FBN1: variants seen among roughly 807,000 people sequenced by gnomAD.
FBN1 encodes fibrillin 1, also known as fibrillin-1.
In FBN1, 29 loss-of-function variants were observed where a neutral mutation model predicts 365.1. The ratio of observed to expected loss-of-function variants is 0.08; its 90% CI spans 0.06 to 0.11. FBN1 has a LOEUF of 0.11. Ranked by LOEUF, FBN1 falls within the 10% of genes least tolerant of loss-of-function variation. The pLI is 1.00. For synonymous variants in FBN1, 1,210 were observed against 1,270.5 expected (o/e 0.95, Z 1.01); for missense variants, 2,476 against 3,703.2 (o/e 0.67, Z 8.60).
chr15:48,501,108 C>A (rs748449998), intron 17 of FBN1, among the ~76,000 whole-genome samples: 1 of 152,092 alleles, frequency 6.6e-6, no homozygotes, highest in Non-Finnish European at 1.5e-5. Context: ...TTAGTGGAAC[C>A]GGGCCTTACA....
intron 61 of FBN1, 44 bp from the exon 62 acceptor site, chr15:48,421,730 A>C (rs778763595): frequency 2.4e-5 from 38 of 1,602,350 alleles, no homozygotes; most frequent in Middle Eastern, 3.3e-4. Flanking sequence ...AATTCCCCAA[A>C]GCTCTCTTTG....
intron 36 of FBN1, among the ~76,000 whole-genome samples, chr15:48,469,079 AATATATATATATAT>A (rs1555397268): frequency 1.8e-3 from 181 of 98,788 alleles, no homozygotes; most frequent in African/African-American, 7.6e-3. Flanking sequence ...AAAAAAAAAA[AATATATATATATAT>A]AAAATATAAT....
intron 6 of FBN1, among the ~76,000 whole-genome samples, chr15:48,568,055 A>G (rs941874282): frequency 1.4e-5 from 2 of 144,940 alleles, no homozygotes; most frequent in African/African-American, 5.3e-5. Context: ...GAAAGAAGAA[A>G]GAAAGAAAGA....
intron 32 of FBN1, among the ~76,000 whole-genome samples, chr15:48,475,110 A>G (rs1397726393): frequency 6.6e-6 from 1 of 151,948 alleles, no homozygotes; most frequent in Non-Finnish European, 1.5e-5. Context: ...TATATTCTAT[A>G]TATAAAATAT....
intron 22 of FBN1, 46 bp from the exon 23 acceptor site, chr15:48,494,300 A>T: frequency 6.9e-7 from 1 of 1,457,098 alleles, no homozygotes. Context: ...ATTTGAGATA[A>T]CAATATCCAG....
At chr15:48,463,027 A>G (rs1368333950) in intron 42 of FBN1, 55 bp downstream of exon 42, 1 of 1,549,722 alleles carries the variant, frequency 6.5e-7, no homozygotes, top group African/African-American at 1.4e-5. Flanking sequence ...TTCCCCAACA[A>G]TTCATGGGTA....
At chr15:48,437,586 G>T in intron 51 of FBN1, 182 bp downstream of exon 51, 2 of 809,854 alleles carry the variant, frequency 2.5e-6, no homozygotes, top group Non-Finnish European at 4.0e-6. Context: ...TGTGATTCAT[G>T]ACATAATTAA....
intron 8 of FBN1, among the ~76,000 whole-genome samples, chr15:48,532,837 T>G (rs1264814206): frequency 6.6e-6 from 1 of 151,012 alleles, no homozygotes; most frequent in East Asian, 1.9e-4. Context: ...ACTTAAAATG[T>G]TTTTTTAAGA....
intron 20 of FBN1, 115 bp downstream of exon 20, chr15:48,495,985 A>G (rs2043605234): frequency 7.3e-7 from 1 of 1,364,050 alleles, no homozygotes; most frequent in South Asian, 1.2e-5. Context: ...CAGAATTTCA[A>G]CTAAACTGGC....
At chr15:48,454,134 T>C (rs1373398546) in intron 44 of FBN1, among the ~76,000 whole-genome samples, 2 of 152,232 alleles carry the variant, frequency 1.3e-5, no homozygotes, top group East Asian at 1.9e-4. Flanking sequence ...CATGAATCAC[T>C]TGGGATCTTG....
At chr15:48,616,813 G>A (rs1889662648) in intron 2 of FBN1, among the ~76,000 whole-genome samples, 3 of 151,836 alleles carry the variant, frequency 2.0e-5, no homozygotes. Flanking sequence ...AATTCAAAGG[G>A]GAAATAACTT....
chr15:48,430,624 T>G (rs2043016248), intron 56 of FBN1, 47 bp downstream of exon 56: 1 of 1,611,598 alleles, frequency 6.2e-7, no homozygotes, highest in Non-Finnish European at 8.5e-7. Context: ...TTCTGTCCAC[T>G]GTCACTTCTG....
intron 18 of FBN1, among the ~76,000 whole-genome samples, chr15:48,497,787 A>G (rs2043620717): frequency 6.6e-6 from 1 of 152,226 alleles, no homozygotes; most frequent in Admixed American, 6.5e-5. Flanking sequence ...TCTACACTGC[A>G]ACCATTCTTA....
At position 48,537,715 on chromosome 15, in the gene FBN1, G is replaced by T. The variant is rs1483940672; in HGVS notation, c.632C>A (p.Ala211Asp). ...GIVCTKTLCC[A>D]TVGRAWGHPC... is the part of the protein sequence containing the mutation. ...GTGGCCCCAGGCTCGGCCGACTGTG[G>T]CACAGCAGAGCGTTTTTGTGCAGAC... is the stretch of plus-strand genomic sequence containing the variant. Residue 211 changes from alanine (A) to aspartate (D), a missense_variant, in exon 7 of 66, where the codon GCC (alanine) becomes GAC (aspartate). This residue lies in a region of FBN1 where 421 missense variants were observed against 520.1 expected (regional missense o/e 0.81). Coordinates refer to ENST00000316623, the MANE Select transcript of FBN1 (RefSeq NM_000138.5). 6.2e-7 allele frequency: 1 copy of T among 1,614,106 alleles called. No individual in the cohort carries two copies. The highest frequency in any genetic ancestry group is 2.2e-5 in the East Asian group (1 of 44,896).
At chr15:48,609,995 A>G (rs2044644590) in intron 4 of FBN1, among the ~76,000 whole-genome samples, 1 of 152,152 alleles carries the variant, frequency 6.6e-6, no homozygotes, top group Non-Finnish European at 1.5e-5. Flanking sequence ...AGGGGGGTGC[A>G]TTTTCTTACA....
chr15:48,615,105 G>T (rs1263702767), intron 2 of FBN1, among the ~76,000 whole-genome samples: 1 of 152,080 alleles, frequency 6.6e-6, no homozygotes, highest in Non-Finnish European at 1.5e-5. Flanking sequence ...TATTATAAAA[G>T]TTCTCTCAAT....
intron 58 of FBN1, 99 bp from the exon 59 acceptor site, chr15:48,425,963 C>A: frequency 1.0e-6 from 1 of 988,574 alleles, no homozygotes; most frequent in South Asian, 1.4e-5. Flanking sequence ...AATTGTGTTA[C>A]TATATTTTGG....
At chr15:48,428,825 A>G (rs1251838016) in intron 56 of FBN1, among the ~76,000 whole-genome samples, 1 of 152,228 alleles carries the variant, frequency 6.6e-6, no homozygotes, top group Middle Eastern at 3.2e-3. Flanking sequence ...ATAGTTTGTA[A>G]ATAGCTTATC....
chr15:48,621,134 G>C (rs1463504646), intron 2 of FBN1, among the ~76,000 whole-genome samples: 1 of 152,186 alleles, frequency 6.6e-6, no homozygotes, highest in Non-Finnish European at 1.5e-5. Context: ...ATAAATGGGA[G>C]AGAAAAGACA....
Sources: gnomAD v4.1 joint callset for allele counts (sites outside exome capture counted in the v4.1 genomes callset) on GRCh38, gnomAD v4.1.1 for gene constraint, gnomAD v4.1.1 regional missense constraint, MANE v1.5 for transcripts, NCBI Gene and HGNC (gene_info 2026-07-23, HGNC 2026-07-21) for gene names.